Variants in BNC2 observed in about 807,000 individuals in gnomAD.
The protein encoded by BNC2 is zinc finger protein basonuclin-2.
In BNC2, 20 loss-of-function variants were observed where a neutral mutation model predicts 76.3. The ratio of observed to expected loss-of-function variants is 0.26; its 90% confidence interval spans 0.18 to 0.38. The LOEUF (loss-of-function observed/expected upper bound fraction) is 0.38. BNC2 is among the 10% of genes least tolerant of loss of function. BNC2 has a pLI of 1.00. For missense variants in BNC2, 1,382 were observed against 1,399.8 expected (o/e 0.99, Z 0.20); for synonymous variants, 582 against 514.8 (o/e 1.13, Z -1.77).
intron 5 of BNC2, among the ~76,000 whole-genome samples, chr9:16,508,584 G>T (rs530424462): frequency 2.6e-5 from 4 of 152,116 alleles, no homozygotes; most frequent in Non-Finnish European, 2.9e-5. Context: ...ATTTATTATG[G>T]CCAGAATTCT....
chr9:16,685,648 T>C (rs1822955456), intron 3 of BNC2: 2 of 1,294,948 alleles, frequency 1.5e-6, no homozygotes, highest in African/African-American at 3.0e-5. Flanking sequence ...TACAGCCACG[T>C]TAGATGCTGT....
At chr9:16,763,293 G>A (rs369372167) in intron 1 of BNC2, among the ~76,000 whole-genome samples, 9 of 152,248 alleles carry the variant, frequency 5.9e-5, no homozygotes, top group African/African-American at 2.2e-4. Flanking sequence ...TTCAGGGTCA[G>A]GCATGGTGGC....
At chr9:16,489,177 C>T (rs977781771) in intron 5 of BNC2, among the ~76,000 whole-genome samples, 2 of 152,124 alleles carry the variant, frequency 1.3e-5, no homozygotes, top group South Asian at 2.1e-4. Context: ...CAACATATTA[C>T]CAATACAAAA....
intron 1 of BNC2, among the ~76,000 whole-genome samples, chr9:16,843,760 G>A (rs1818892166): frequency 6.6e-6 from 1 of 152,174 alleles, no homozygotes; most frequent in African/African-American, 2.4e-5. Context: ...AAGGAGAAGA[G>A]GTTTAGGTAC....
intron 3 of BNC2, among the ~76,000 whole-genome samples, chr9:16,708,606 G>A (rs1239660403): frequency 6.6e-6 from 1 of 152,062 alleles, no homozygotes; most frequent in Admixed American, 6.6e-5. Context: ...GGTGTGGGAG[G>A]AAAACCAGAT....
In BNC2 at chr9:16,842,062, G is replaced by A. The variant is rs371617739; in HGVS notation, c.3+28584C>T. Among the ~76,000 whole-genome samples, 4 of 152,196 alleles carry A rather than the reference G, an allele frequency of 2.6e-5. No homozygotes were observed. In the South Asian group the frequency reaches 6.2e-4, roughly 24 times the overall value. ...TGACCTCAGATGATCCACCTGCCTC[G>A]GCCTCCCAAAGTGCTGGTATTACAG... On this transcript the variant is annotated intron_variant, in intron 1 of 6. Transcript: ENST00000380672.
At chr9:16,510,359 CT>C (rs1165063760) in intron 5 of BNC2, among the ~76,000 whole-genome samples, 1 of 152,318 alleles carries the variant, frequency 6.6e-6, no homozygotes, top group African/African-American at 2.4e-5. Flanking sequence ...AAGTCTCCTA[CT>C]TCGTCATGAA....
At chr9:16,721,098 A>G (rs909796544) in intron 3 of BNC2, among the ~76,000 whole-genome samples, 1 of 152,182 alleles carries the variant, frequency 6.6e-6, no homozygotes, top group Non-Finnish European at 1.5e-5. Context: ...ATGAGGAGGA[A>G]ATGTGGGGAC....
At chr9:16,589,151 C>A (rs929497951) in intron 3 of BNC2, among the ~76,000 whole-genome samples, 2 of 152,084 alleles carry the variant, frequency 1.3e-5, no homozygotes, top group African/African-American at 4.8e-5. Context: ...GGTTCATTAA[C>A]CTTCACCAAT....
intron 5 of BNC2, among the ~76,000 whole-genome samples, chr9:16,536,766 A>G (rs973610941): frequency 2.0e-5 from 3 of 152,186 alleles, no homozygotes; most frequent in Non-Finnish European, 2.9e-5. Flanking sequence ...TTCCAAAGAT[A>G]TATTTTGGAA....
At chr9:16,504,093 A>G (rs945927717) in intron 5 of BNC2, among the ~76,000 whole-genome samples, 4 of 152,212 alleles carry the variant, frequency 2.6e-5, no homozygotes, top group Non-Finnish European at 5.9e-5. Flanking sequence ...ACCTGCACCT[A>G]CTAGATGTCA....
At chr9:16,473,550 T>C (rs1821867343) in intron 5 of BNC2, among the ~76,000 whole-genome samples, 1 of 152,200 alleles carries the variant, frequency 6.6e-6, no homozygotes, top group South Asian at 2.1e-4. Flanking sequence ...ATTTAAAGTA[T>C]TCAAATTCCA....
chr9:16,624,607 T>A (rs1340477209), intron 3 of BNC2, among the ~76,000 whole-genome samples: 1 of 152,184 alleles, frequency 6.6e-6, no homozygotes, highest in Non-Finnish European at 1.5e-5. Context: ...TGACTTTTAT[T>A]GTCTCTGGTC....
At chr9:16,710,758 C>T (rs1260316458) in intron 3 of BNC2, among the ~76,000 whole-genome samples, 1 of 152,096 alleles carries the variant, frequency 6.6e-6, no homozygotes, top group Non-Finnish European at 1.5e-5. Flanking sequence ...CCTCCCAACT[C>T]ACCTAAGGGG....
chr9:16,768,176 G>A (rs1236366048), intron 1 of BNC2, among the ~76,000 whole-genome samples: 3 of 151,936 alleles, frequency 2.0e-5, no homozygotes, highest in Admixed American at 6.6e-5. Flanking sequence ...ATGTTGGCTA[G>A]GCTGGTCTTA....
intron 1 of BNC2, among the ~76,000 whole-genome samples, chr9:16,795,276 T>C (rs1452365316): frequency 2.6e-5 from 4 of 151,816 alleles, no homozygotes; most frequent in Non-Finnish European, 5.9e-5. Flanking sequence ...TAAGGCGAAC[T>C]CCACATGTGA....
At chr9:16,497,849 G>A (rs1286462414) in intron 5 of BNC2, among the ~76,000 whole-genome samples, 1 of 151,990 alleles carries the variant, frequency 6.6e-6, no homozygotes, top group South Asian at 2.1e-4. Flanking sequence ...AACAGATAAA[G>A]AGACTTTAAG....
chr9:16,708,593 G>A (rs1256372567), intron 3 of BNC2, among the ~76,000 whole-genome samples: 1 of 152,132 alleles, frequency 6.6e-6, no homozygotes, highest in East Asian at 1.9e-4. Context: ...AAAGCAAAGA[G>A]ATGGTGTGGG....
chr9:16,460,513 C>T (rs149881757), intron 5 of BNC2, among the ~76,000 whole-genome samples: 257 of 152,150 alleles, frequency 1.7e-3, no homozygotes, highest in African/African-American at 6.0e-3. Flanking sequence ...ATCCCAGTTA[C>T]TCAGGGGGTG....
Sources: allele counts gnomAD v4.1 joint callset (sites outside exome capture counted in the v4.1 genomes callset), GRCh38; gene constraint gnomAD v4.1.1; transcripts MANE v1.5; gene names NCBI Gene and HGNC (gene_info 2026-07-23, HGNC 2026-07-21).